Variants in FAM78B observed in about 807,000 individuals in gnomAD.
FAM78B encodes protein FAM78B.
FAM78B carries 10 observed loss-of-function variants against 20.0 expected under a neutral mutation model. That is an observed-to-expected ratio of 0.50 (90% CI 0.31 to 0.85). FAM78B has a LOEUF of 0.85. FAM78B is among the 40% of genes least tolerant of loss of function. The pLI, the probability that FAM78B is intolerant of heterozygous loss-of-function variation, is 0.05. For missense variants in FAM78B, 283 were observed against 345.0 expected (o/e 0.82, Z 1.42); for synonymous variants, 135 against 132.8 (o/e 1.02, Z -0.12).
At chr1:166,143,062 C>A (rs1373571186) in intron 1 of FAM78B, among the ~76,000 whole-genome samples, 1 of 152,124 alleles carries the variant, frequency 6.6e-6, no homozygotes, top group Non-Finnish European at 1.5e-5. Context: ...AGATGTTGGG[C>A]AAATTAGGTA....
chr1:166,162,366 T>G (rs1438534842), intron 1 of FAM78B, among the ~76,000 whole-genome samples: 1 of 152,170 alleles, frequency 6.6e-6, no homozygotes. Context: ...CAGGCCAAAC[T>G]TTTCCAAATT....
intron 1 of FAM78B, among the ~76,000 whole-genome samples, chr1:166,138,219 GCCCCTCCTCACT>G (rs1259689728): frequency 6.6e-6 from 1 of 151,942 alleles, no homozygotes; most frequent in South Asian, 2.1e-4. Context: ...TCCTACTTCT[GCCCCTCCTCACT>G]CCCCTCATCA....
rs563860427 is a variant in FAM78B at position 166,166,192 on chromosome 1, C to T, written c.57G>A (p.Val19=). 3.6e-4 allele frequency: 573 copies of T among 1,591,224 alleles called. 5 individuals carry two copies. In the South Asian group the frequency reaches 5.9e-3, roughly 16 times the overall value. ...CKARIRRENI[V]VYDVCATIDQ... ...CGATGGTGGCGCACACATCGTACAC[C>T]ACGATGTTCTCGCGCCGGATCCGCG... is the stretch of plus-strand genomic sequence containing the variant. The change falls in exon 1 of 2, where the codon GTG becomes GTA. Residue 19 remains valine, a synonymous_variant. Coordinates refer to ENST00000354422, the MANE Select transcript of FAM78B (RefSeq NM_001017961.5).
intron 1 of FAM78B, among the ~76,000 whole-genome samples, chr1:166,114,563 A>C (rs1571175593): frequency 6.6e-6 from 1 of 152,192 alleles, no homozygotes; most frequent in East Asian, 1.9e-4. Flanking sequence ...TGCAAGCAAG[A>C]AAACTGGGTG....
chr1:166,070,815 C>T, intron 1 of FAM78B, 52 bp from the exon 2 acceptor site: 1 of 1,502,804 alleles, frequency 6.7e-7, no homozygotes, highest in Non-Finnish European at 8.8e-7. Flanking sequence ...ATGAATTTTT[C>T]AAAAGCTGGA....
At chr1:166,091,582 G>A (rs1653075832) in intron 1 of FAM78B, among the ~76,000 whole-genome samples, 1 of 152,132 alleles carries the variant, frequency 6.6e-6, no homozygotes, top group Admixed American at 6.5e-5. Context: ...CCAGTCTCAG[G>A]TGTATCTATC....
chr1:166,071,439 G>T (rs540074125), intron 1 of FAM78B, among the ~76,000 whole-genome samples: 2 of 152,318 alleles, frequency 1.3e-5, no homozygotes, highest in East Asian at 3.9e-4. Flanking sequence ...TTCCAGTCCA[G>T]CCTGGAAGCC....
At chr1:166,135,947 C>T (rs1331055554) in intron 1 of FAM78B, among the ~76,000 whole-genome samples, 4 of 152,210 alleles carry the variant, frequency 2.6e-5, no homozygotes, top group African/African-American at 9.7e-5. Context: ...TGGTTTTTGA[C>T]ATATTAACAA....
intron 1 of FAM78B, among the ~76,000 whole-genome samples, chr1:166,103,641 A>G (rs1333175668): frequency 6.6e-6 from 1 of 152,206 alleles, no homozygotes; most frequent in Non-Finnish European, 1.5e-5. Flanking sequence ...CACCTTCCCA[A>G]GACTAAACCA....
chr1:166,134,511 A>G (rs1318482950), intron 1 of FAM78B, among the ~76,000 whole-genome samples: 6 of 149,668 alleles, frequency 4.0e-5, no homozygotes, highest in Non-Finnish European at 8.9e-5. Flanking sequence ...CAGAACATTA[A>G]AGTAGTAATA....
intron 1 of FAM78B, among the ~76,000 whole-genome samples, chr1:166,082,028 C>T (rs920878482): frequency 6.6e-6 from 1 of 152,214 alleles, no homozygotes; most frequent in African/African-American, 2.4e-5. Flanking sequence ...CGGGACCATG[C>T]AGGTCCTCTC....
At chr1:166,065,800 G>C (rs939950215), downstream of FAM78B, among the ~76,000 whole-genome samples, 1 of 152,208 alleles carries the variant, frequency 6.6e-6, no homozygotes, top group East Asian at 1.9e-4. Context: ...ATATCTGTGT[G>C]CACAGAGCTT....
chr1:166,063,226 T>G (rs1383994992), intron 2 of FAM78B, among the ~76,000 whole-genome samples: 1 of 152,228 alleles, frequency 6.6e-6, no homozygotes, highest in African/African-American at 2.4e-5. Flanking sequence ...AGGACTCTGT[T>G]TAGCCTGACA....
At position 166,070,633 on chromosome 1, in the gene FAM78B, A is replaced by C; in HGVS notation, c.394T>G (p.Ser132Ala). Residue 132 changes from serine to alanine, a missense_variant, in exon 2 of 2, where the codon TCC (serine) becomes GCC (alanine). Physicochemically the swap from Ser to Ala is moderately conservative, Grantham distance 99 (BLOSUM62 1). Coordinates refer to ENST00000354422, the MANE Select transcript of FAM78B (RefSeq NM_001017961.5). ...VTLVGPTNKI[S>A]RFSVSMNDNF... ...TCATTCATGCTGACGGAGAACCTGG[A>C]GATCTTGTTGGTGGGGCCAACCAGG... The C allele has an allele frequency of 6.2e-7, 1 of 1,613,774 alleles. No homozygotes were observed.
chr1:166,083,973 T>A (rs1652688701), intron 1 of FAM78B, among the ~76,000 whole-genome samples: 1 of 152,004 alleles, frequency 6.6e-6, no homozygotes, highest in African/African-American at 2.4e-5. Context: ...ACTCATTTCC[T>A]CCCTTTACGC....
chr1:166,099,452 T>C (rs1294679406), intron 1 of FAM78B, among the ~76,000 whole-genome samples: 3 of 152,210 alleles, frequency 2.0e-5, no homozygotes, highest in Non-Finnish European at 4.4e-5. Context: ...ATGGTCTAAA[T>C]GCTGCACTTA....
chr1:166,109,861 T>C (rs1653954556), intron 1 of FAM78B, among the ~76,000 whole-genome samples: 2 of 16,652 alleles, frequency 1.2e-4, no homozygotes, highest in African/African-American at 3.0e-4. Flanking sequence ...TATATATATA[T>C]GTATGTGTAT....
At chr1:166,152,395 C>T (rs958062850) in intron 1 of FAM78B, among the ~76,000 whole-genome samples, 1 of 152,166 alleles carries the variant, frequency 6.6e-6, no homozygotes, top group African/African-American at 2.4e-5. Flanking sequence ...CTAGGCCCAC[C>T]ATAGCTTCCC....
At chr1:166,123,367 C>A (rs1326161945) in intron 1 of FAM78B, among the ~76,000 whole-genome samples, 1 of 152,242 alleles carries the variant, frequency 6.6e-6, no homozygotes, top group Non-Finnish European at 1.5e-5. Flanking sequence ...CTCAGGTCAA[C>A]CCCTCTTCTC....
Sources: gnomAD v4.1 joint callset for allele counts (sites outside exome capture counted in the v4.1 genomes callset) on GRCh38, gnomAD v4.1.1 for gene constraint, MANE v1.5 for transcripts, NCBI Gene and HGNC (gene_info 2026-07-23, HGNC 2026-07-21) for gene names.